The following P4HA3 variants were observed in gnomAD, a reference collection of about 807,000 sequenced individuals.
P4HA3 encodes prolyl 4-hydroxylase subunit alpha-3.
In P4HA3, 60 loss-of-function variants were observed where a neutral mutation model predicts 66.7. The observed-to-expected ratio is 0.90, with a 90% CI of 0.73 to 1.12. The LOEUF (loss-of-function observed/expected upper bound fraction) is 1.12. Among genes scored for constraint, P4HA3 ranks in the 50% most tolerant of loss-of-function variants. The probability of loss-of-function intolerance (pLI) is 0.00; values close to 1 mark genes in which losing one functional copy is unlikely to be tolerated. For missense variants in P4HA3, 683 were observed against 685.8 expected (o/e 1.00, Z 0.05); for synonymous variants, 263 against 274.6 (o/e 0.96, Z 0.42).
chr11:74,288,958 A>AAG, intron 5 of P4HA3, 121 bp downstream of exon 5: 1 of 741,092 alleles, frequency 1.3e-6, no homozygotes, highest in Non-Finnish European at 1.9e-6. Flanking sequence ...CAAAAAAAAA[A>AAG]AAAAAAAAGA....
At chr11:74,302,617 C>A (rs369089793) in intron 2 of P4HA3, 25 bp from the exon 3 acceptor site, 69 of 1,588,952 alleles carry the variant, frequency 4.3e-5, no homozygotes, top group Non-Finnish European at 5.3e-5. Context: ...AAAACATCAA[C>A]CCAGCATTCA....
At chr11:74,260,121 TATTTGC>T in exon 15 of P4HA3, 1 of 152,334 alleles carries the variant, frequency 6.6e-6, no homozygotes, top group South Asian at 2.1e-4. Context: ...AGTGGTTCCT[TATTTGC>T]ATTTCAAGAC....
At chr11:74,281,187 C>T (rs1860581521) in intron 7 of P4HA3, among the ~76,000 whole-genome samples, 1 of 152,142 alleles carries the variant, frequency 6.6e-6, no homozygotes. Context: ...CCATCTCACA[C>T]CAGTTAGAAT....
At position 74,273,372 on chromosome 11, in the gene P4HA3, T is replaced by C. The variant is rs1860272262; in HGVS notation, c.1398+173A>G. 2.0e-5 allele frequency among the ~76,000 whole-genome samples: 3 copies of C among 152,238 alleles called. No homozygotes were observed. In the South Asian group the frequency reaches 6.2e-4, roughly 31 times the overall value. ...TCAGGGTAGAAACCTTGTCTTGTAT[T>C]TCTTTACATCTCCTACAGTGCCTAT... On this transcript the variant is annotated intron_variant, in intron 10 of 12. Coordinates refer to ENST00000331597, the MANE Select transcript of P4HA3 (RefSeq NM_182904.5).
intron 5 of P4HA3, chr11:74,287,366 T>G: frequency 7.9e-7 from 1 of 1,261,086 alleles, no homozygotes; most frequent in African/African-American, 1.5e-5. Context: ...TTTTGGAGAA[T>G]GGAAATTATA....
chr11:74,251,133 C>G, intron 15 of P4HA3: 1 of 1,512,838 alleles, frequency 6.6e-7, no homozygotes, highest in Non-Finnish European at 8.9e-7. Context: ...GCTGTGGAGC[C>G]TATGCAGATG....
intron 5 of P4HA3, chr11:74,287,008 C>T: frequency 2.4e-6 from 2 of 836,290 alleles, no homozygotes; most frequent in Non-Finnish European, 3.0e-6. Context: ...TGGCCTAGAC[C>T]CAGAGCAAAG....
intron 10 of P4HA3, among the ~76,000 whole-genome samples, chr11:74,273,188 C>T (rs1860265874): frequency 3.9e-5 from 6 of 152,194 alleles, no homozygotes; most frequent in Admixed American, 3.9e-4. Context: ...TTTTTCAACA[C>T]TGATTAGTCC....
intron 4 of P4HA3, among the ~76,000 whole-genome samples, chr11:74,295,504 G>T (rs79590054): frequency 0.04 from 6,054 of 152,122 alleles, 128 homozygotes; most frequent in Middle Eastern, 0.11. Flanking sequence ...AATGATAAAA[G>T]CAATAATAAG....
Position 74,266,832 on chromosome 11 carries a change from A to C in P4HA3, c.*416T>G, listed in dbSNP as rs1456486075. 1 of 585,570 alleles carries C rather than the reference A, an allele frequency of 1.7e-6. No individual in the cohort carries two copies. The highest frequency in any genetic ancestry group is 3.4e-5 in the Admixed American group (1 of 29,512). 36.3% of individuals were successfully genotyped at this position (585,570 alleles called of 1,614,324 possible). A position where few individuals can be genotyped will look rare whatever the true frequency, so the allele number is the denominator to read the frequency against. Reference sequence around the variant, plus strand: ...CAGAAGGCAGTGGGGAGAAAGTCTTAAAGTTCTGGGAGTCAGGCTAGCCCC... The same window carrying C: ...CAGAAGGCAGTGGGGAGAAAGTCTTCAAGTTCTGGGAGTCAGGCTAGCCCC... On this transcript the variant is annotated 3_prime_UTR_variant, in exon 13 of 13. Coordinates refer to ENST00000331597, the MANE Select transcript of P4HA3 (RefSeq NM_182904.5).
At chr11:74,269,615 C>G (rs1318928423) in intron 11 of P4HA3, 37 bp downstream of exon 11, 1 of 1,599,762 alleles carries the variant, frequency 6.3e-7, no homozygotes, top group Admixed American at 1.7e-5. Flanking sequence ...CGCTGCACTC[C>G]CTCAACCCCG....
At chr11:74,261,638 A>C (rs1382103762) in intron 14 of P4HA3, among the ~76,000 whole-genome samples, 1 of 152,172 alleles carries the variant, frequency 6.6e-6, no homozygotes, top group East Asian at 1.9e-4. Context: ...CAGTATTTTC[A>C]CTAGTATTTC....
intron 10 of P4HA3, among the ~76,000 whole-genome samples, chr11:74,271,413 G>A (rs1159558871): frequency 6.6e-6 from 1 of 152,170 alleles, no homozygotes; most frequent in African/African-American, 2.4e-5. Context: ...ACATTAAAAA[G>A]AAAATCGGAT....
chr11:74,286,247 C>T lies in P4HA3; in HGVS notation c.914G>A (p.Cys305Tyr), dbSNP rs1476580758. The change falls in exon 6 of 13, where the codon TGT (cysteine) becomes TAT (tyrosine). Residue 305 changes from cysteine to tyrosine, a missense_variant. Cys to Tyr is a radical substitution (Grantham distance 194). Transcript: ENST00000331597. Reference sequence around the variant, plus strand: ...TCCTACCTGGGAACCCAGGGTCTGACATAGCCCCTCGTAGGTGTCTCTGGT... The same window carrying T: ...TCCTACCTGGGAACCCAGGGTCTGATATAGCCCCTCGTAGGTGTCTCTGGT... ...LQTRDTYEGL[C>Y]QTLGSQPTLY... 4 of 1,612,886 alleles carry T rather than the reference C, an allele frequency of 2.5e-6. No individual in the cohort carries two copies. Among genetic ancestry groups the T allele is most frequent in the East Asian group, 2.2e-5 (1 of 44,866 alleles).
chr11:74,293,219 T>C (rs890220475), intron 4 of P4HA3, among the ~76,000 whole-genome samples: 1 of 152,092 alleles, frequency 6.6e-6, no homozygotes, highest in Non-Finnish European at 1.5e-5. Context: ...TTTGTCTCTT[T>C]TGATCTTTGT....
intron 4 of P4HA3, among the ~76,000 whole-genome samples, chr11:74,293,326 G>A (rs1423050160): frequency 2.6e-5 from 4 of 151,710 alleles, no homozygotes; most frequent in African/African-American, 9.7e-5. Flanking sequence ...CCTTTATTTT[G>A]AGCCTATGTG....
intron 4 of P4HA3, among the ~76,000 whole-genome samples, chr11:74,290,669 C>A (rs1243679163): frequency 1.3e-5 from 2 of 152,096 alleles, no homozygotes; most frequent in South Asian, 2.1e-4. Flanking sequence ...ATATGGCTAG[C>A]CAGTTTTCCC....
intron 7 of P4HA3, among the ~76,000 whole-genome samples, chr11:74,280,230 T>G (rs761598825): frequency 6.6e-6 from 1 of 152,016 alleles, no homozygotes; most frequent in Non-Finnish European, 1.5e-5. Flanking sequence ...CATAGCTCAC[T>G]ACAGCCTCCA....
Position 74,302,459 on chromosome 11 carries a change from A to G in P4HA3, c.477T>C (p.Phe159=), listed in dbSNP as rs76267535. ...TGATGGCAGAGCCAGTGACTCTCTG[A>G]AAGACACCTCGGGCCAGGCCTTTCA... ...LNVKGLARGV[F]QRVTGSAITD... is the part of the protein sequence containing the mutation. The change falls in exon 3 of 13, where the codon TTT becomes TTC. Residue 159 remains phenylalanine, a synonymous_variant. Transcript: ENST00000331597. The G allele has an allele frequency of 1.4e-4, 228 of 1,614,164 alleles. No homozygotes were observed. In the African/African-American group the frequency reaches 2.6e-3, roughly 18 times the overall value.
Sources: gnomAD v4.1 joint callset for allele counts (sites outside exome capture counted in the v4.1 genomes callset) on GRCh38, gnomAD v4.1.1 for gene constraint, MANE v1.5 for transcripts, NCBI Gene and HGNC (gene_info 2026-07-23, HGNC 2026-07-21) for gene names.